Variants in GRIA4 observed in about 807,000 individuals in gnomAD.
The protein encoded by GRIA4 is glutamate receptor 4.
Under a neutral mutation model 104.0 loss-of-function variants are expected in GRIA4, and 34 were observed. That is an observed-to-expected ratio of 0.33 (90% CI 0.25 to 0.44). GRIA4 has a LOEUF of 0.44. Ranked by LOEUF, GRIA4 falls within the 20% of genes least tolerant of loss-of-function variation. The pLI is 1.00. For synonymous variants in GRIA4, 386 were observed against 381.9 expected (o/e 1.01, Z -0.13); for missense variants, 750 against 1,096.5 (o/e 0.68, Z 4.46).
intron 4 of GRIA4, among the ~76,000 whole-genome samples, chr11:105,829,548 C>T (rs1165213180): frequency 6.6e-6 from 1 of 151,896 alleles, no homozygotes; most frequent in Non-Finnish European, 1.5e-5. Context: ...CTTTGCCAGG[C>T]AGTTTAAATT....
At chr11:105,737,812 T>C (rs1406287533) in intron 3 of GRIA4, among the ~76,000 whole-genome samples, 1 of 152,148 alleles carries the variant, frequency 6.6e-6, no homozygotes, top group Non-Finnish European at 1.5e-5. Flanking sequence ...AGATGTAGGT[T>C]ACAAAATTAT....
At chr11:105,854,125 G>A (rs1278132709) in intron 4 of GRIA4, among the ~76,000 whole-genome samples, 3 of 152,136 alleles carry the variant, frequency 2.0e-5, no homozygotes, top group African/African-American at 7.2e-5. Context: ...CTGACTTCAT[G>A]AGCTTACCTT....
At chr11:105,629,822 T>C (rs1214040839) in intron 3 of GRIA4, among the ~76,000 whole-genome samples, 1 of 152,208 alleles carries the variant, frequency 6.6e-6, no homozygotes, top group African/African-American at 2.4e-5. Flanking sequence ...GTAATTGCCA[T>C]GTTTGATCTC....
rs572956387 is a variant in GRIA4, at chr11:105,853,441, A to G, written c.488-8583A>G. ...ATATGTGGGACTCTGGGCTTCTACA[A>G]CTCATGACCTCTCTCTGCCATTTGT... On this transcript the variant is annotated intron_variant, in intron 4 of 16. Coordinates refer to ENST00000282499, the MANE Select transcript of GRIA4 (RefSeq NM_000829.4). 1.3e-3 allele frequency among the ~76,000 whole-genome samples: 199 copies of G among 152,216 alleles called. 2 individuals carry two copies. The highest frequency in any genetic ancestry group is 4.6e-3 in the African/African-American group (189 of 41,528).
chr11:105,879,946 A>G (rs898452048), intron 5 of GRIA4, among the ~76,000 whole-genome samples: 3 of 152,214 alleles, frequency 2.0e-5, no homozygotes, highest in African/African-American at 7.2e-5. Flanking sequence ...ACTATAGTCA[A>G]AAGACCCAGC....
chr11:105,811,361 T>C (rs1943165416), intron 4 of GRIA4, among the ~76,000 whole-genome samples: 1 of 152,110 alleles, frequency 6.6e-6, no homozygotes, highest in Non-Finnish European at 1.5e-5. Flanking sequence ...CTCTAATCCA[T>C]CTCTTTAGTT....
chr11:105,663,166 A>G (rs931681855), intron 3 of GRIA4, among the ~76,000 whole-genome samples: 1 of 121,164 alleles, frequency 8.3e-6, no homozygotes, highest in African/African-American at 2.7e-5. Flanking sequence ...TCATTGATTT[A>G]TATAACTTTA....
intron 14 of GRIA4, among the ~76,000 whole-genome samples, chr11:105,963,114 C>T (rs2136267365): frequency 6.6e-6 from 1 of 152,202 alleles, no homozygotes; most frequent in East Asian, 1.9e-4. Context: ...TATCTAACTT[C>T]TTATGGCTTC....
intron 3 of GRIA4, among the ~76,000 whole-genome samples, chr11:105,647,587 C>A (rs972090109): frequency 2.0e-5 from 3 of 152,120 alleles, no homozygotes; most frequent in Admixed American, 6.6e-5. Context: ...ATGTGGTGCA[C>A]ATACACCATG....
chr11:105,631,280 C>T (rs947641997), intron 3 of GRIA4, among the ~76,000 whole-genome samples: 1 of 152,050 alleles, frequency 6.6e-6, no homozygotes, highest in Non-Finnish European at 1.5e-5. Flanking sequence ...CTATAATGTA[C>T]TTTAAAAGAT....
chr11:105,784,385 A>C (rs761654276), intron 4 of GRIA4, among the ~76,000 whole-genome samples: 1 of 152,246 alleles, frequency 6.6e-6, no homozygotes. Context: ...GATTTGATCA[A>C]TAGTGAATAT....
chr11:105,751,369 T>A (rs1939986594), intron 3 of GRIA4, among the ~76,000 whole-genome samples: 2 of 152,156 alleles, frequency 1.3e-5, no homozygotes, highest in Non-Finnish European at 2.9e-5. Context: ...CAGATTAGGG[T>A]CTGACGCAGC....
At chr11:105,933,676 T>C (rs777561606) in intron 13 of GRIA4, 46 bp from the exon 14 acceptor site, 1 of 1,389,976 alleles carries the variant, frequency 7.2e-7, no homozygotes, top group Non-Finnish European at 9.8e-7. Flanking sequence ...TATTAACATG[T>C]TGTTCCCTTC....
At chr11:105,905,668 A>G (rs1398151352) in intron 9 of GRIA4, among the ~76,000 whole-genome samples, 2 of 152,222 alleles carry the variant, frequency 1.3e-5, no homozygotes, top group African/African-American at 4.8e-5. Flanking sequence ...AAATTATTAG[A>G]GCAAGTACAA....
rs1026008500 is a variant in GRIA4, at chr11:105,970,736, A to G, written c.2295-1178A>G. On this transcript the variant is annotated intron_variant, in intron 14 of 16. Transcript: ENST00000282499. ...GAACTGAGGCGCATTAGGGGATACA[A>G]CCAGGCAAAATGTCCAGAAGAATAT... is the stretch of plus-strand genomic sequence containing the variant. Among the ~76,000 whole-genome samples, 3 of 152,320 alleles carry G rather than the reference A, an allele frequency of 2.0e-5. No homozygotes were observed. The East Asian group carries it at 5.8e-4, about 29-fold the overall frequency.
At chr11:105,791,046 C>T (rs577184711) in intron 4 of GRIA4, among the ~76,000 whole-genome samples, 9 of 152,190 alleles carry the variant, frequency 5.9e-5, no homozygotes, top group South Asian at 2.1e-4. Flanking sequence ...ATGATGAGCT[C>T]GGCTGATCCA....
intron 10 of GRIA4, chr11:105,912,056 G>A: frequency 8.9e-7 from 1 of 1,129,834 alleles, no homozygotes; most frequent in African/African-American, 1.6e-5. Context: ...AAAATTTTAA[G>A]TTCTGTGACT....
rs906542879 is a variant in GRIA4, at chr11:105,910,609, G to A, written c.1269+64G>A. 2.1e-5 allele frequency: 18 copies of A among 837,312 alleles called. No homozygotes were observed. The East Asian group carries it at 2.8e-4, about 13-fold the overall frequency. The allele number at this position is 837,312 out of a possible 1,614,324, so 51.9% of individuals were successfully genotyped here. A position where few individuals can be genotyped will look rare whatever the true frequency, so the allele number is the denominator to read the frequency against. ...CCACAGGCAATTTTAACTCCCCAGC[G>A]ACGGTGAACAGGGAGGGCAAAGCTG... On this transcript the variant is annotated intron_variant, in intron 10 of 16. Coordinates refer to ENST00000282499, the MANE Select transcript of GRIA4 (RefSeq NM_000829.4).
chr11:105,690,591 A>C (rs2135492459), intron 3 of GRIA4, among the ~76,000 whole-genome samples: 1 of 152,332 alleles, frequency 6.6e-6, no homozygotes, highest in East Asian at 1.9e-4. Flanking sequence ...CCAAATGAAG[A>C]ATTAGGAATG....
Sources: allele counts gnomAD v4.1 joint callset (sites outside exome capture counted in the v4.1 genomes callset), GRCh38; gene constraint gnomAD v4.1.1; transcripts MANE v1.5; gene names NCBI Gene and HGNC (gene_info 2026-07-23, HGNC 2026-07-21).